Variants in PABPC1L observed in about 807,000 individuals in gnomAD.
PABPC1L encodes polyadenylate-binding protein 1-like.
In PABPC1L, 31 loss-of-function variants were observed where a neutral mutation model predicts 66.6. The ratio of observed to expected loss-of-function variants is 0.47; its 90% CI spans 0.35 to 0.63. The LOEUF is 0.63. Ranked by LOEUF, PABPC1L falls within the 20% of genes least tolerant of loss-of-function variation. The pLI is 0.00. For synonymous variants in PABPC1L, 348 were observed against 335.1 expected (o/e 1.04, Z -0.42); for missense variants, 722 against 848.8 (o/e 0.85, Z 1.86).
intron 12 of PABPC1L, 164 bp from the exon 13 acceptor site, chr20:44,937,896 TA>T: frequency 1.1e-6 from 1 of 944,934 alleles, no homozygotes; most frequent in Non-Finnish European, 1.5e-6. Context: ...GCCCAGTCAT[TA>T]AAAGTACCTG....
chr20:44,935,680 G>A (rs183830605), intron 11 of PABPC1L, among the ~76,000 whole-genome samples, 183 bp downstream of exon 11: 67 of 152,256 alleles, frequency 4.4e-4, no homozygotes, highest in East Asian at 5.8e-4. Context: ...CCAGCATTAC[G>A]TTTTATTTAC....
At chr20:44,929,344 G>A (rs2066833982) in intron 7 of PABPC1L, among the ~76,000 whole-genome samples, 1 of 151,884 alleles carries the variant, frequency 6.6e-6, no homozygotes, top group South Asian at 2.1e-4. Context: ...GAATATTAGG[G>A]GAAAAAAGAG....
chr20:44,929,665 C>T (rs2066836058), intron 7 of PABPC1L, among the ~76,000 whole-genome samples: 1 of 151,824 alleles, frequency 6.6e-6, no homozygotes, highest in South Asian at 2.1e-4. Flanking sequence ...TGTGGTGGCA[C>T]ACGCCTGTAG....
chr20:44,933,150 A>G lies in PABPC1L; in HGVS notation c.1424A>G (p.Gln475Arg), dbSNP rs1332488738. ...HISSVRQAST[Q>R]VPRTVPHTQR... ...AGCAGTGTCAGGCAGGCCTCCACCC[A>G]GGTGCCACGCACGGTGCCTCATACC... Residue 475 changes from glutamine to arginine, a missense_variant, in exon 10 of 15, where the codon CAG becomes CGG. By Grantham distance (43) the Gln-to-Arg change is conservative. Around this residue, in one of 3 missense-constraint regions of PABPC1L, gnomAD observed 301 missense variants for 337.2 expected, o/e 0.89. Transcript: ENST00000217073. The G allele has an allele frequency of 6.2e-7, 1 of 1,609,626 alleles. No homozygotes were observed. The highest frequency in any genetic ancestry group is 8.5e-7 in the Non-Finnish European group (1 of 1,178,582).
intron 12 of PABPC1L, among the ~76,000 whole-genome samples, chr20:44,937,670 C>T (rs2066911849): frequency 6.6e-6 from 1 of 152,230 alleles, no homozygotes; most frequent in Non-Finnish European, 1.5e-5. Context: ...CCACCTCAGC[C>T]TCCCAAAGTA....
Position 44,930,464 on chromosome 20 carries a change from T to C in PABPC1L, c.977T>C (p.Met326Thr), listed in dbSNP as rs1490175921. 1.2e-6 allele frequency: 2 copies of C among 1,612,952 alleles called. No homozygotes were observed. The highest frequency in any genetic ancestry group is 1.7e-6 in the Non-Finnish European group (2 of 1,179,220). Reference sequence around the variant, plus strand: ...CTTGTCTTGTCTTGCTTTTAGGTGATGACAGAGGGTGGCCACAGCAAGGGG... The same window carrying C: ...CTTGTCTTGTCTTGCTTTTAGGTGACGACAGAGGGTGGCCACAGCAAGGGG... ...PYGVITSAKV[M>T]TEGGHSKGFG... is the part of the protein sequence containing the mutation. Residue 326 changes from methionine to threonine, a missense_variant, in exon 8 of 15, where the codon ATG (methionine) becomes ACG (threonine). Physicochemically the swap from Met to Thr is moderately conservative, Grantham distance 81. This residue lies in a region of PABPC1L where 137 missense variants were observed against 216.8 expected (regional missense o/e 0.63). Coordinates refer to ENST00000217073, the MANE Select transcript of PABPC1L (RefSeq NM_001372179.1).
chr20:44,922,060 A>G (rs1295418285), intron 6 of PABPC1L, among the ~76,000 whole-genome samples: 2 of 152,192 alleles, frequency 1.3e-5, no homozygotes, highest in Non-Finnish European at 2.9e-5. Flanking sequence ...AGTACCCCGC[A>G]TATTGCCAGA....
At chr20:44,936,878 T>C in intron 12 of PABPC1L, 148 bp downstream of exon 12, 1 of 791,842 alleles carries the variant, frequency 1.3e-6, no homozygotes, top group Non-Finnish European at 2.2e-6. Context: ...GTGGCCAAGC[T>C]GGCTCTATTC....
intron 7 of PABPC1L, among the ~76,000 whole-genome samples, chr20:44,926,185 C>G (rs2066807836): frequency 6.6e-6 from 1 of 152,172 alleles, no homozygotes; most frequent in Non-Finnish European, 1.5e-5. Flanking sequence ...GGGTGACCAT[C>G]TTTTTAACAG....
intron 8 of PABPC1L, among the ~76,000 whole-genome samples, chr20:44,931,188 C>CT (rs1351532286): frequency 1.3e-5 from 2 of 148,552 alleles, no homozygotes; most frequent in Non-Finnish European, 3.0e-5. Flanking sequence ...TCCTCCCTTC[C>CT]TCCCTTCCTT....
chr20:44,932,312 C>A (rs1320422362), intron 8 of PABPC1L, 30 bp from the exon 9 acceptor site: 3 of 1,572,252 alleles, frequency 1.9e-6, no homozygotes, highest in Non-Finnish European at 2.6e-6. Flanking sequence ...CCGCCAAGCC[C>A]CTCAGTCTGG....
In PABPC1L at chr20:44,930,621, G is replaced by T. The variant is rs768627257; in HGVS notation, c.1134G>T (p.Leu378Phe). 1 of 1,614,214 alleles carries T rather than the reference G, an allele frequency of 6.2e-7. No homozygotes were observed. Residue 378 changes from leucine to phenylalanine, a missense_variant, in exon 8 of 15, where the codon TTG becomes TTT. Physicochemically the swap from Leu to Phe is conservative, Grantham distance 22 (BLOSUM62 0). Transcript: ENST00000217073. The stretch of plus-strand genomic sequence containing the variant: ...GCAAAGAGGAGCGGAAGGCCATCTT[G>T]ACCAACCAGTACATGCAGCGCCTCT... ...AQRKEERKAI[L>F]TNQYMQRLST... is the part of the protein sequence containing the mutation.
intron 7 of PABPC1L, among the ~76,000 whole-genome samples, chr20:44,925,692 G>T (rs780065240): frequency 6.6e-6 from 1 of 152,188 alleles, no homozygotes; most frequent in Non-Finnish European, 1.5e-5. Flanking sequence ...GAGGAAAAAA[G>T]GTTGTCTTTT....
intron 5 of PABPC1L, 81 bp downstream of exon 5, chr20:44,919,358 G>A: frequency 6.8e-7 from 1 of 1,475,610 alleles, no homozygotes; most frequent in Non-Finnish European, 9.3e-7. Flanking sequence ...GCCTGTGGAG[G>A]GGAAGAAAGT....
chr20:44,914,686 T>C (rs1407290828), intron 2 of PABPC1L, among the ~76,000 whole-genome samples: 1 of 152,224 alleles, frequency 6.6e-6, no homozygotes, highest in Non-Finnish European at 1.5e-5. Flanking sequence ...GGCTGTTTCC[T>C]GTCTTTGAGG....
At chr20:44,916,008 T>G (rs761262661) in intron 2 of PABPC1L, among the ~76,000 whole-genome samples, 1 of 151,896 alleles carries the variant, frequency 6.6e-6, no homozygotes, top group Non-Finnish European at 1.5e-5. Flanking sequence ...ATGGATTTTT[T>G]TTTTCACTTA....
chr20:44,927,916 T>A (rs112128322), intron 7 of PABPC1L, among the ~76,000 whole-genome samples: 1,826 of 152,100 alleles, frequency 0.012, 31 homozygotes, highest in African/African-American at 0.039. Flanking sequence ...CTTCCGCCTC[T>A]GCTTCCCAAA....
intron 9 of PABPC1L, chr20:44,932,828 G>A (rs572134180): frequency 1.8e-6 from 1 of 565,234 alleles, no homozygotes; most frequent in African/African-American, 1.9e-5. Flanking sequence ...TGCTTATGCA[G>A]TTTGGGGCTC....
intron 11 of PABPC1L, among the ~76,000 whole-genome samples, chr20:44,935,976 A>AT (rs377052730): frequency 9.6e-4 from 141 of 146,604 alleles, no homozygotes; most frequent in South Asian, 3.0e-3. Context: ...AAAAATGTCT[A>AT]TTTTTTTTTT....
Sources: gnomAD v4.1 joint callset for allele counts (sites outside exome capture counted in the v4.1 genomes callset) on GRCh38, gnomAD v4.1.1 for gene constraint, gnomAD v4.1.1 regional missense constraint, MANE v1.5 for transcripts, NCBI Gene and HGNC (gene_info 2026-07-23, HGNC 2026-07-21) for gene names.